Variants in IL1RAPL1 observed in about 807,000 individuals in gnomAD.
IL1RAPL1 encodes interleukin-1 receptor accessory protein-like 1.
In IL1RAPL1, 3 loss-of-function variants were observed where a neutral mutation model predicts 48.4. The ratio of observed to expected loss-of-function variants is 0.06; its 90% CI spans 0.03 to 0.16. The LOEUF is 0.16. Among genes scored for constraint, IL1RAPL1 ranks in the 10% least tolerant of loss-of-function variants. The pLI, the probability that IL1RAPL1 is intolerant of heterozygous loss-of-function variation, is 1.00. For missense variants in IL1RAPL1, 349 were observed against 530.6 expected (o/e 0.66, Z 3.36); for synonymous variants, 185 against 187.7 (o/e 0.99, Z 0.12).
intron 6 of IL1RAPL1, among the ~76,000 whole-genome samples, chrX:29,885,426 A>C (rs1932134921): frequency 8.9e-6 from 1 of 111,877 alleles, no homozygotes; most frequent in African/African-American, 3.3e-5. Flanking sequence ...ATGGGGGCGG[A>C]AAGTTTTGCT....
chrX:29,803,033 GCA>G (rs1569173462), intron 6 of IL1RAPL1, among the ~76,000 whole-genome samples: 3 of 77,428 alleles, frequency 3.9e-5, no homozygotes, highest in African/African-American at 1.6e-4. Flanking sequence ...ATACATGTAT[GCA>G]TATATACATA....
At chrX:29,869,924 T>C (rs1332874356) in intron 6 of IL1RAPL1, among the ~76,000 whole-genome samples, 2 of 109,974 alleles carry the variant, frequency 1.8e-5, no homozygotes, top group Non-Finnish European at 3.8e-5. Context: ...TTTGGCTTGA[T>C]TGTGGAAATG....
At chrX:28,975,209 T>A (rs1024880488) in intron 2 of IL1RAPL1, among the ~76,000 whole-genome samples, 1 of 112,118 alleles carries the variant, frequency 8.9e-6, no homozygotes, top group African/African-American at 3.2e-5. Flanking sequence ...ACTTGTTTCA[T>A]ACTTCTGTCT....
At chrX:29,478,631 C>T (rs1341975590) in intron 5 of IL1RAPL1, among the ~76,000 whole-genome samples, 1 of 111,308 alleles carries the variant, frequency 9.0e-6, no homozygotes, top group Admixed American at 9.6e-5. Flanking sequence ...ACTCTGCAGA[C>T]TTAACCCCAT....
chrX:29,520,412 TTCTA>T (rs1935490972), intron 5 of IL1RAPL1, among the ~76,000 whole-genome samples: 1 of 112,374 alleles, frequency 8.9e-6, no homozygotes, highest in Non-Finnish European at 1.9e-5. Context: ...ATTTTCTGCC[TTCTA>T]TCTGATTAAA....
chrX:28,810,340 T>A (rs1439515676), intron 2 of IL1RAPL1, among the ~76,000 whole-genome samples: 2 of 110,628 alleles, frequency 1.8e-5, no homozygotes, highest in African/African-American at 6.5e-5. Flanking sequence ...AGAAGTGAGA[T>A]ACCAGAAAAG....
rs1935816964 is a variant in IL1RAPL1 at position 28,735,847 on chromosome X, A to G, written c.-24-53473A>G. Reference sequence around the variant, plus strand: ...AAACAAGATAAAGTTTCAAACAAATACCTAATATACAACTGTCTTCAAAAG... The same window carrying G: ...AAACAAGATAAAGTTTCAAACAAATGCCTAATATACAACTGTCTTCAAAAG... On this transcript the variant is annotated intron_variant, in intron 1 of 10. Coordinates refer to ENST00000378993, the MANE Select transcript of IL1RAPL1 (RefSeq NM_014271.4). Among the ~76,000 whole-genome samples, 3 of 111,617 alleles carry G rather than the reference A, an allele frequency of 2.7e-5. No individual in the cohort carries two copies. The South Asian group carries it at 1.1e-3, about 41-fold the overall frequency.
rs191308797 is a variant in IL1RAPL1 at position 29,859,879 on chromosome X, G to A, written c.779-57585G>A. The stretch of plus-strand genomic sequence containing the variant: ...GTTACATTTAAAGATAAAATACATT[G>A]ATATGCTTTTAACTTATTTGGGCAT... On this transcript the variant is annotated intron_variant, in intron 6 of 10. Coordinates refer to ENST00000378993, the MANE Select transcript of IL1RAPL1 (RefSeq NM_014271.4). Among the ~76,000 whole-genome samples, 6 of 111,776 alleles carry A rather than the reference G, an allele frequency of 5.4e-5. No homozygotes were observed. In the East Asian group the frequency reaches 1.7e-3, roughly 31 times the overall value.
At chrX:29,885,922 AT>A (rs1333118953) in intron 6 of IL1RAPL1, among the ~76,000 whole-genome samples, 1 of 112,422 alleles carries the variant, frequency 8.9e-6, no homozygotes, top group Non-Finnish European at 1.9e-5. Flanking sequence ...AAGATGTTTA[AT>A]TTGAAGGAGA....
chrX:28,737,021 AG>A (rs982220921), intron 1 of IL1RAPL1, among the ~76,000 whole-genome samples: 2 of 110,340 alleles, frequency 1.8e-5, no homozygotes, highest in Non-Finnish European at 3.8e-5. Flanking sequence ...GGAGACTTGG[AG>A]GGGCTGCTCA....
At chrX:29,534,197 T>G (rs186213369) in intron 5 of IL1RAPL1, among the ~76,000 whole-genome samples, 59 of 111,839 alleles carry the variant, frequency 5.3e-4, no homozygotes, top group African/African-American at 1.9e-3. Context: ...GAAAATGGAC[T>G]AAGACACCAT....
intron 2 of IL1RAPL1, among the ~76,000 whole-genome samples, chrX:28,990,385 A>G (rs1340858100): frequency 8.9e-6 from 1 of 112,113 alleles, no homozygotes; most frequent in Non-Finnish European, 1.9e-5. Context: ...ATTGGTAAGT[A>G]AGCTTTCGTT....
At position 29,765,740 on chromosome X, in the gene IL1RAPL1, T is replaced by C. The variant is rs1486720623; in HGVS notation, c.778+97236T>C. Among the ~76,000 whole-genome samples, 8 of 111,976 alleles carry C rather than the reference T, an allele frequency of 7.1e-5. 1 individual carries two copies. The highest frequency in any genetic ancestry group is 2.6e-4 in the African/African-American group (8 of 30,757). Reference sequence around the variant, plus strand: ...CATTTTGCTTATTGCAGGCAAATAATGTCCTTTGCAGGAACTTGGATGGAG... The same window carrying C: ...CATTTTGCTTATTGCAGGCAAATAACGTCCTTTGCAGGAACTTGGATGGAG... On this transcript the variant is annotated intron_variant, in intron 6 of 10. Coordinates refer to ENST00000378993, the MANE Select transcript of IL1RAPL1 (RefSeq NM_014271.4).
chrX:29,670,636 GA>G (rs1482891566), intron 6 of IL1RAPL1, among the ~76,000 whole-genome samples: 1 of 111,999 alleles, frequency 8.9e-6, no homozygotes, highest in Non-Finnish European at 1.9e-5. Flanking sequence ...AAGGGTAAGT[GA>G]AAATAGGAAA....
chrX:29,640,075 C>CT (rs1491121720), intron 5 of IL1RAPL1, among the ~76,000 whole-genome samples: 1 of 111,916 alleles, frequency 8.9e-6, no homozygotes, highest in Non-Finnish European at 1.9e-5. Context: ...TGGTGTCATG[C>CT]TACAAGATAA....
intron 2 of IL1RAPL1, among the ~76,000 whole-genome samples, chrX:28,891,671 C>A (rs1053021554): frequency 2.7e-5 from 3 of 112,410 alleles, no homozygotes; most frequent in Non-Finnish European, 5.6e-5. Flanking sequence ...TTTATCCTTT[C>A]ATCAGCTGGT....
At chrX:28,686,085 G>A (rs1259860550) in intron 1 of IL1RAPL1, among the ~76,000 whole-genome samples, 1 of 111,453 alleles carries the variant, frequency 9.0e-6, no homozygotes. Context: ...ATGATTCTAC[G>A]TGGCCTAAAT....
intron 6 of IL1RAPL1, among the ~76,000 whole-genome samples, chrX:29,896,195 GA>G (rs1932379416): frequency 8.9e-6 from 1 of 112,296 alleles, no homozygotes. Flanking sequence ...TATGTTTAAG[GA>G]AATGATTGAT....
chrX:29,110,957 A>T (rs1928552383), intron 2 of IL1RAPL1, among the ~76,000 whole-genome samples: 1 of 111,288 alleles, frequency 9.0e-6, no homozygotes, highest in South Asian at 3.8e-4. Flanking sequence ...AGCATTTGGG[A>T]TTATATCTTT....
Sources: gnomAD v4.1 joint callset for allele counts (sites outside exome capture counted in the v4.1 genomes callset) on GRCh38, gnomAD v4.1.1 for gene constraint, MANE v1.5 for transcripts, NCBI Gene and HGNC (gene_info 2026-07-23, HGNC 2026-07-21) for gene names.